Variants in GTF3C1 observed in about 807,000 individuals in gnomAD.
The protein encoded by GTF3C1 is general transcription factor 3C polypeptide 1.
In GTF3C1, 57 loss-of-function variants were observed where a neutral mutation model predicts 226.7. That is an observed-to-expected ratio of 0.25 (90% CI 0.20 to 0.31). GTF3C1 has a LOEUF of 0.31. GTF3C1 is among the 10% of genes least tolerant of loss of function. The probability of loss-of-function intolerance (pLI) is 1.00; values close to 1 mark genes in which losing one functional copy is unlikely to be tolerated. For synonymous variants in GTF3C1, 1,090 were observed against 1,084.8 expected (o/e 1.00, Z -0.09); for missense variants, 2,217 against 2,776.1 (o/e 0.80, Z 4.53).
intron 11 of GTF3C1, among the ~76,000 whole-genome samples, chr16:27,502,142 T>G (rs1014850930): frequency 6.6e-6 from 1 of 151,024 alleles, no homozygotes; most frequent in Non-Finnish European, 1.5e-5. Flanking sequence ...AAAGGGACAT[T>G]AGGAGCACCT....
At chr16:27,517,241 C>A (rs2088671973) in intron 6 of GTF3C1, among the ~76,000 whole-genome samples, 2 of 152,172 alleles carry the variant, frequency 1.3e-5, no homozygotes, top group African/African-American at 4.8e-5. Context: ...GCCTTTCCCA[C>A]AGTTCTAGAG....
At chr16:27,546,828 G>A (rs1302390955) in intron 1 of GTF3C1, among the ~76,000 whole-genome samples, 11 of 151,628 alleles carry the variant, frequency 7.3e-5, no homozygotes, top group African/African-American at 1.7e-4. Flanking sequence ...GTGCAGTGGC[G>A]CAATCTCGGC....
chr16:27,479,055 G>GA (rs1036178882), intron 27 of GTF3C1, among the ~76,000 whole-genome samples: 5 of 152,148 alleles, frequency 3.3e-5, no homozygotes, highest in Non-Finnish European at 7.4e-5. Context: ...ACTGCATGGT[G>GA]ACCACAGTTA....
intron 7 of GTF3C1, 51 bp from the exon 8 acceptor site, chr16:27,508,706 G>T: frequency 7.4e-7 from 1 of 1,342,892 alleles, no homozygotes; most frequent in Non-Finnish European, 1.1e-6. Context: ...GAGCTGTTCT[G>T]CACAAGTCAG....
chr16:27,486,504 G>A (rs1422519383), intron 23 of GTF3C1, among the ~76,000 whole-genome samples: 1 of 152,092 alleles, frequency 6.6e-6, no homozygotes, highest in Admixed American at 6.5e-5. Flanking sequence ...GTGCGTGCTC[G>A]GGGCGTACCC....
rs565417113 is a variant in GTF3C1, at chr16:27,522,085, A to G, written c.973+6513T>C. ...CTATACCTTGCTAGGTTTCTTGGAT[A>G]TTATTTACTTTTTAAAATTTTAATA... On this transcript the variant is annotated intron_variant, in intron 6 of 36. Coordinates refer to ENST00000356183, the MANE Select transcript of GTF3C1 (RefSeq NM_001520.4). Among the ~76,000 whole-genome samples, 13 of 152,274 alleles carry G rather than the reference A, an allele frequency of 8.5e-5. No individual in the cohort carries two copies. In the East Asian group the frequency reaches 2.5e-3, roughly 29 times the overall value.
rs2087741023 is a variant in GTF3C1 at position 27,463,838 on chromosome 16, G to A, written c.5873-246C>T. ...AGGCCCGGACAAGCCCCACATTGCA[G>A]GAAGCCAGCGAACACCTCATTTTCC... On this transcript the variant is annotated intron_variant, in intron 34 of 36. Coordinates refer to ENST00000356183, the MANE Select transcript of GTF3C1 (RefSeq NM_001520.4). The surrounding 1 kb of genome is among the most constrained non-coding windows in gnomAD (Gnocchi z 4.9). The A allele has an allele frequency of 3.7e-6, 2 of 538,098 alleles. No homozygotes were observed. Among genetic ancestry groups the A allele is most frequent in the Admixed American group, 3.7e-5 (1 of 27,092 alleles). 33.3% of individuals were successfully genotyped at this position (538,098 alleles called of 1,614,324 possible).
chr16:27,501,355 C>T lies in GTF3C1; in HGVS notation c.1908-11G>A, dbSNP rs372946765. On this transcript the variant is annotated splice_polypyrimidine_tract_variant and intron_variant, in intron 11 of 36. Coordinates refer to ENST00000356183, the MANE Select transcript of GTF3C1 (RefSeq NM_001520.4). ...ATCATCTTCTGAATCCTGGGCATCA[C>T]AAAATAAGCAGATAACACTCCCAAT... The T allele has an allele frequency of 7.4e-6, 12 of 1,613,328 alleles. No homozygotes were observed. Among genetic ancestry groups the T allele is most frequent in the African/African-American group, 1.3e-5 (1 of 74,906 alleles).
At position 27,484,308 on chromosome 16, in the gene GTF3C1, G is replaced by A; in HGVS notation, c.3904C>T (p.His1302Tyr). 6.2e-7 allele frequency: 1 copy of A among 1,606,862 alleles called. No individual in the cohort carries two copies. Among genetic ancestry groups the A allele is most frequent in the Non-Finnish European group, 8.5e-7 (1 of 1,173,310 alleles). ...TCCAAAGACTCTTCAAACGTGGCAT[G>A]CAAAATGTCCCGTACCACCTGCCAG... ...VTWQVVRDIL[H>Y]ATFEESLDKT... Residue 1302 changes from histidine (H) to tyrosine (Y), a missense_variant, in exon 25 of 37, where the codon CAT (histidine) becomes TAT (tyrosine). Physicochemically the swap from His to Tyr is moderately conservative, Grantham distance 83 (BLOSUM62 2). Coordinates refer to ENST00000356183, the MANE Select transcript of GTF3C1 (RefSeq NM_001520.4).
chr16:27,512,672 G>A (rs1404784025), intron 6 of GTF3C1, among the ~76,000 whole-genome samples: 1 of 152,030 alleles, frequency 6.6e-6, no homozygotes, highest in African/African-American at 2.4e-5. Flanking sequence ...TAAAACATGC[G>A]AAAAAAATAA....
rs376331257 is a variant in GTF3C1 at position 27,474,590 on chromosome 16, T to A, written c.4353+1861A>T. ...GAAAAAACATTTTTTGAAAAAAAAATTTTGTTTTTTCCTTTTAAACAAGCG... is the reference window on the plus strand; with the variant it reads ...GAAAAAACATTTTTTGAAAAAAAAAATTTGTTTTTTCCTTTTAAACAAGCG... On this transcript the variant is annotated intron_variant, in intron 29 of 36. Coordinates refer to ENST00000356183, the MANE Select transcript of GTF3C1 (RefSeq NM_001520.4). Among the ~76,000 whole-genome samples the A allele has an allele frequency of 3.4e-4, 51 of 152,222 alleles. 1 individual carries two copies. The highest frequency in any genetic ancestry group is 1.1e-3 in the African/African-American group (45 of 41,544).
chr16:27,498,136 G>T (rs1362731593), intron 13 of GTF3C1, among the ~76,000 whole-genome samples: 1 of 152,176 alleles, frequency 6.6e-6, no homozygotes, highest in African/African-American at 2.4e-5. Context: ...AAATTAACCA[G>T]CAACTGATTC....
In GTF3C1 at chr16:27,492,314, T is replaced by TCAGCCGAGA. The variant is rs750366107; in HGVS notation, c.3151+15_3151+23dup. 1.4e-5 allele frequency: 21 copies of TCAGCCGAGA among 1,467,168 alleles called. No individual in the cohort carries two copies. Among genetic ancestry groups the TCAGCCGAGA allele is most frequent in the Non-Finnish European group, 1.8e-5 (19 of 1,063,602 alleles). The allele number at this position is 1,467,168 out of a possible 1,614,324, so 90.9% of individuals were successfully genotyped here. Reference sequence around the variant, plus strand: ...CAGAAAGGAGCAAAAGCAGCCAGGTTCAGCCGAGACAGCCGACACCCACCT... The same window carrying TCAGCCGAGA: ...CAGAAAGGAGCAAAAGCAGCCAGGTTCAGCCGAGACAGCCGAGACAGCCGACACCCACCT... On this transcript the variant is annotated intron_variant, in intron 19 of 36. Transcript: ENST00000356183. The surrounding 1 kb of genome is among the most constrained non-coding windows in gnomAD (Gnocchi z 5.0).
chr16:27,495,133 A>G, intron 15 of GTF3C1, 78 bp downstream of exon 15: 1 of 1,107,484 alleles, frequency 9.0e-7, no homozygotes, highest in Non-Finnish European at 1.3e-6. Flanking sequence ...TATAAGGAAA[A>G]GGAACTATCA....
intron 7 of GTF3C1, among the ~76,000 whole-genome samples, chr16:27,511,062 G>T (rs1488942140): frequency 4.6e-5 from 7 of 152,208 alleles, no homozygotes; most frequent in African/African-American, 1.7e-4. Flanking sequence ...AATGGGACTG[G>T]ATTAAGGGAT....
At chr16:27,512,884 G>C (rs1481632378) in intron 6 of GTF3C1, among the ~76,000 whole-genome samples, 1 of 152,128 alleles carries the variant, frequency 6.6e-6, no homozygotes, top group Admixed American at 6.5e-5. Flanking sequence ...TAAGTGACGG[G>C]AAAAATGACT....
At position 27,476,492 on chromosome 16, in the gene GTF3C1, C is replaced by T. The variant is rs758159556; in HGVS notation, c.4312G>A (p.Ala1438Thr). 1 of 1,613,364 alleles carries T rather than the reference C, an allele frequency of 6.2e-7. No homozygotes were observed. Among genetic ancestry groups the T allele is most frequent in the Admixed American group, 1.7e-5 (1 of 60,010 alleles). The part of the protein sequence containing the change: ...VLQNLIQSTL[A>T]LSDSQMKSYQ... ...GACTTCATCTGACTGTCTGAGAGGGCCAGCGTGCTCTGGATCAGGTTCTGA... is the reference window on the plus strand; with the variant it reads ...GACTTCATCTGACTGTCTGAGAGGGTCAGCGTGCTCTGGATCAGGTTCTGA... Residue 1438 changes from alanine (A) to threonine (T), a missense_variant, in exon 29 of 37, where the codon GCC (alanine) becomes ACC (threonine). Physicochemically the swap from Ala to Thr is moderately conservative, Grantham distance 58 (BLOSUM62 0). Around this residue, in one of 12 missense-constraint regions of GTF3C1, gnomAD observed 546 missense variants for 663.0 expected, o/e 0.82. Coordinates refer to ENST00000356183, the MANE Select transcript of GTF3C1 (RefSeq NM_001520.4).
intron 32 of GTF3C1, chr16:27,466,288 G>T (rs2087785932): frequency 6.6e-6 from 1 of 152,188 alleles, no homozygotes; most frequent in Admixed American, 6.5e-5. Flanking sequence ...TCACGCTTGG[G>T]AATTCTCAGA....
chr16:27,488,271 C>T lies in GTF3C1; in HGVS notation c.3656G>A (p.Arg1219Gln), dbSNP rs201935197. Reference sequence around the variant, plus strand: ...CTTCTTCCCAGGGTCCTTCTTCAGCCGCTTCCGCTTCTGGCTTTTCCCACC... The same window carrying T: ...CTTCTTCCCAGGGTCCTTCTTCAGCTGCTTCCGCTTCTGGCTTTTCCCACC... The part of the protein sequence containing the change: ...VRGGKSQKRK[R>Q]LKKDPGKKIK... Residue 1219 changes from arginine (R) to glutamine (Q), a missense_variant, in exon 23 of 37, where the codon CGG becomes CAG. This residue lies in a region of GTF3C1 where 546 missense variants were observed against 663.0 expected (regional missense o/e 0.82). Coordinates refer to ENST00000356183, the MANE Select transcript of GTF3C1 (RefSeq NM_001520.4). The T allele has an allele frequency of 1.3e-5, 21 of 1,614,104 alleles. No individual in the cohort carries two copies. The highest frequency in any genetic ancestry group is 1.6e-4 in the Middle Eastern group (1 of 6,084).
Sources: gnomAD v4.1 joint callset for allele counts (sites outside exome capture counted in the v4.1 genomes callset) on GRCh38, gnomAD v4.1.1 for gene constraint, gnomAD v4.1.1 regional missense constraint, Gnocchi (gnomAD v3.1) non-coding constraint, MANE v1.5 for transcripts, NCBI Gene and HGNC (gene_info 2026-07-23, HGNC 2026-07-21) for gene names.